MAML2: variants seen among roughly 807,000 people sequenced by gnomAD.
The protein encoded by MAML2 is mastermind like transcriptional coactivator 2.
Under a neutral mutation model 96.1 loss-of-function variants are expected in MAML2, and 22 were observed. That is an observed-to-expected ratio of 0.23 (90% CI 0.16 to 0.33). MAML2 has a LOEUF of 0.33. Ranked by LOEUF, MAML2 falls within the 10% of genes least tolerant of loss-of-function variation. The pLI, the probability that MAML2 is intolerant of heterozygous loss-of-function variation, is 1.00. For missense variants in MAML2, 1,367 were observed against 1,392.4 expected, an observed-to-expected ratio of 0.98 and a Z score of 0.29; for synonymous variants, 561 against 521.3, an observed-to-expected ratio of 1.08 and a Z score of -1.04.
chr11:96,309,443 G>A (rs1400510451), intron 1 of MAML2, among the ~76,000 whole-genome samples: 2 of 152,206 alleles, frequency 1.3e-5, no homozygotes, highest in Non-Finnish European at 2.9e-5. Flanking sequence ...TAGCAGGATT[G>A]CTAAGATCAT....
At chr11:96,128,116 G>T (rs181287223) in intron 1 of MAML2, among the ~76,000 whole-genome samples, 1 of 152,092 alleles carries the variant, frequency 6.6e-6, no homozygotes, top group Admixed American at 6.5e-5. Flanking sequence ...TAATCCAGCC[G>T]TGTGCAGTGG....
chr11:96,169,314 G>A (rs1000082556), intron 1 of MAML2, among the ~76,000 whole-genome samples: 2 of 152,212 alleles, frequency 1.3e-5, no homozygotes, highest in African/African-American at 4.8e-5. Flanking sequence ...GCTGTAACAG[G>A]AATGAAAAAG....
At chr11:96,279,720 T>TG (rs1326131518) in intron 1 of MAML2, among the ~76,000 whole-genome samples, 1 of 152,214 alleles carries the variant, frequency 6.6e-6, no homozygotes, top group Non-Finnish European at 1.5e-5. Flanking sequence ...CCTACAGGTT[T>TG]GGACAATCTG....
At chr11:96,062,885 G>A (rs754557812) in intron 2 of MAML2, among the ~76,000 whole-genome samples, 7 of 152,028 alleles carry the variant, frequency 4.6e-5, no homozygotes, top group Admixed American at 3.9e-4. Context: ...CGATGACAAG[G>A]GACTGTGTCT....
At chr11:95,998,174 GTCTA>G (rs1554993560) in intron 2 of MAML2, among the ~76,000 whole-genome samples, 4,890 of 147,716 alleles carry the variant, frequency 0.033, 276 homozygotes, top group African/African-American at 0.11. Flanking sequence ...CTGTCTGTCT[GTCTA>G]TCTATCTATC....
chr11:96,266,486 A>G (rs574077218), intron 1 of MAML2, among the ~76,000 whole-genome samples: 144 of 151,908 alleles, frequency 9.5e-4, no homozygotes, highest in African/African-American at 2.9e-3. Context: ...CAGGAGAATG[A>G]CATGAACCCA....
At chr11:96,257,752 G>T (rs1862688672) in intron 1 of MAML2, among the ~76,000 whole-genome samples, 1 of 152,074 alleles carries the variant, frequency 6.6e-6, no homozygotes, top group African/African-American at 2.4e-5. Context: ...GCCCATTTCT[G>T]GTATTCTCTC....
At position 95,979,614 on chromosome 11, in the gene MAML2, T is replaced by A; in HGVS notation, c.2805A>T (p.Gln935His). Residue 935 changes from glutamine (Q) to histidine (H), a missense_variant, in exon 5 of 5, where the codon CAA becomes CAT. By Grantham distance (24) the Gln-to-His change is conservative. Coordinates refer to ENST00000524717, the MANE Select transcript of MAML2 (RefSeq NM_032427.4). ...TACTATGGGTTAAATTTGGTCTCAA[T>A]TGTTGTGAATTACCAACAGATCCAG... ...FGAGSVGNSQ[Q>H]LRPNLTHSMA... 3 of 1,613,966 alleles carry A rather than the reference T, an allele frequency of 1.9e-6. No individual in the cohort carries two copies. The highest frequency in any genetic ancestry group is 2.5e-6 in the Non-Finnish European group (3 of 1,179,868).
intron 1 of MAML2, among the ~76,000 whole-genome samples, chr11:96,202,177 C>CAAAAAAAAAAAAA (rs35124521): frequency 1.3e-5 from 1 of 75,872 alleles, no homozygotes; most frequent in Admixed American, 1.5e-4. Flanking sequence ...ACTAAAAATA[C>CAAAAAAAAAAAAA]AAAAAAAAAA....
intron 2 of MAML2, among the ~76,000 whole-genome samples, chr11:96,071,035 C>T (rs1233315357): frequency 2.6e-5 from 4 of 152,346 alleles, no homozygotes; most frequent in Admixed American, 2.6e-4. Context: ...GATGAGCCTT[C>T]CCTCTAGATA....
intron 1 of MAML2, among the ~76,000 whole-genome samples, chr11:96,167,494 A>T (rs1374260695): frequency 6.6e-6 from 1 of 152,170 alleles, no homozygotes; most frequent in Non-Finnish European, 1.5e-5. Flanking sequence ...ATTCTTTCGC[A>T]CAGAGCAGAA....
intron 1 of MAML2, among the ~76,000 whole-genome samples, chr11:96,293,105 A>C (rs541105302): frequency 6.6e-6 from 1 of 152,358 alleles, no homozygotes; most frequent in South Asian, 2.1e-4. Flanking sequence ...TTTTTAAAAC[A>C]ACAGCTATAA....
At chr11:96,164,524 A>T (rs1861161264) in intron 1 of MAML2, among the ~76,000 whole-genome samples, 1 of 152,164 alleles carries the variant, frequency 6.6e-6, no homozygotes, top group East Asian at 1.9e-4. Context: ...GCTATTTAGG[A>T]TTCTATAAGA....
chr11:95,983,192 A>G (rs1050210895), intron 4 of MAML2, among the ~76,000 whole-genome samples: 3 of 152,192 alleles, frequency 2.0e-5, no homozygotes, highest in Non-Finnish European at 4.4e-5. Flanking sequence ...GGTGGATGAC[A>G]GTGATATTGA....
At chr11:96,229,630 G>T (rs1862263152) in intron 1 of MAML2, among the ~76,000 whole-genome samples, 4 of 150,894 alleles carry the variant, frequency 2.7e-5, no homozygotes, top group African/African-American at 9.8e-5. Flanking sequence ...CATATCGATT[G>T]ATTCATTTAA....
intron 1 of MAML2, among the ~76,000 whole-genome samples, chr11:96,308,861 C>A (rs969671248): frequency 5.9e-5 from 9 of 152,182 alleles, no homozygotes; most frequent in Non-Finnish European, 1.0e-4. Flanking sequence ...GGATACTGAG[C>A]AAATATTTAT....
intron 1 of MAML2, among the ~76,000 whole-genome samples, chr11:96,274,447 A>G (rs950364124): frequency 5.3e-5 from 8 of 151,892 alleles, no homozygotes; most frequent in Admixed American, 1.3e-4. Flanking sequence ...CTTTCTCTCT[A>G]CTATAGCTTT....
chr11:96,199,523 ATT>A (rs71459792), intron 1 of MAML2, among the ~76,000 whole-genome samples: 10 of 143,708 alleles, frequency 7.0e-5, no homozygotes, highest in Admixed American at 1.4e-4. Context: ...GTTTCAGATA[ATT>A]TTTTTTTTTT....
chr11:96,215,314 C>T (rs1283959044), intron 1 of MAML2, among the ~76,000 whole-genome samples: 3 of 152,198 alleles, frequency 2.0e-5, no homozygotes, highest in African/African-American at 4.8e-5. Context: ...TGACATCCTT[C>T]CAAGTAACAA....
Sources: allele counts gnomAD v4.1 joint callset (sites outside exome capture counted in the v4.1 genomes callset), GRCh38; gene constraint gnomAD v4.1.1; transcripts MANE v1.5; gene names NCBI Gene and HGNC (gene_info 2026-07-23, HGNC 2026-07-21).